The following PCDHA5 variants were observed in gnomAD, a reference collection of about 807,000 sequenced individuals.
PCDHA5 encodes the protein protocadherin alpha 5, also known as protocadherin alpha-5.
PCDHA5 carries 43 observed loss-of-function variants against 61.6 expected under a neutral mutation model. That is an observed-to-expected ratio of 0.70 (90% confidence interval 0.55 to 0.90). The LOEUF is 0.90. Among genes scored for constraint, PCDHA5 ranks in the 40% least tolerant of loss-of-function variants. The pLI, the probability that PCDHA5 is intolerant of heterozygous loss-of-function variation, is 0.00. For missense variants in PCDHA5, 1,298 were observed against 1,222.7 expected, an observed-to-expected ratio of 1.06 and a Z score of -0.92; for synonymous variants, 627 against 543.9, an observed-to-expected ratio of 1.15 and a Z score of -2.13.
rs782160195 is a variant in PCDHA5, at chr5:140,857,078, G to C, written c.2352+32951G>C. 17 of 1,597,076 alleles carry C rather than the reference G, an allele frequency of 1.1e-5. 2 individuals are homozygous for C. The highest frequency in any genetic ancestry group is 1.5e-5 in the Non-Finnish European group (17 of 1,166,812). On this transcript the variant is annotated intron_variant, in intron 1 of 3. Transcript: ENST00000529859. ...CCTAGTGGAACTACTGGATGAAAATGATAATTCACCTGAGGTGATTGTCAC... is the reference window on the plus strand; with the variant it reads ...CCTAGTGGAACTACTGGATGAAAATCATAATTCACCTGAGGTGATTGTCAC...
At chr5:140,869,928 A>G (rs1554163617) in intron 1 of PCDHA5, 1 of 1,611,726 alleles carries the variant, frequency 6.2e-7, no homozygotes, top group Middle Eastern at 1.6e-4. Context: ...GAGTCAATGG[A>G]GAGGTAACAT....
At position 140,834,737 on chromosome 5, in the gene PCDHA5, T is replaced by G. The variant is rs2150225179; in HGVS notation, c.2352+10610T>G. ...TGGAAAGGCCGCTGCAGGTTTTCCATGTGGACGTGGAGGTGAAGGACATTA... is the reference window on the plus strand; with the variant it reads ...TGGAAAGGCCGCTGCAGGTTTTCCAGGTGGACGTGGAGGTGAAGGACATTA... On this transcript the variant is annotated intron_variant, in intron 1 of 3. Coordinates refer to ENST00000529859, the MANE Select transcript of PCDHA5 (RefSeq NM_018908.3). The G allele has an allele frequency of 1.1e-5, 18 of 1,614,112 alleles. No homozygotes were observed. The East Asian group carries it at 4.0e-4, about 36-fold the overall frequency.
intron 1 of PCDHA5, chr5:140,849,159 C>T (rs1554142780): frequency 2.5e-6 from 3 of 1,184,538 alleles, no homozygotes; most frequent in Non-Finnish European, 3.5e-6. Context: ...CAAACCCGAG[C>T]TGACTGGCAC....
intron 3 of PCDHA5, among the ~76,000 whole-genome samples, chr5:141,005,572 C>T (rs548748234): frequency 4.6e-5 from 7 of 151,094 alleles, no homozygotes; most frequent in East Asian, 1.9e-4. Context: ...CATGGTGGCG[C>T]GTGCCTGTAG....
intron 3 of PCDHA5, among the ~76,000 whole-genome samples, chr5:141,005,586 C>T (rs1428172819): frequency 6.6e-6 from 1 of 150,712 alleles, no homozygotes; most frequent in Non-Finnish European, 1.5e-5. Flanking sequence ...CCTGTAGTCC[C>T]AGCTACACAG....
At chr5:140,862,992 C>A (rs781974665) in intron 1 of PCDHA5, 3 of 548,132 alleles carry the variant, frequency 5.5e-6, no homozygotes, top group Admixed American at 1.9e-5. Flanking sequence ...AAGGTGCGCA[C>A]GGTGGACTCC....
chr5:140,959,578 A>G (rs1554224156), intron 1 of PCDHA5, among the ~76,000 whole-genome samples: 1 of 152,188 alleles, frequency 6.6e-6, no homozygotes, highest in Non-Finnish European at 1.5e-5. Flanking sequence ...TTTTGTTTCA[A>G]TTCTATCAGC....
intron 1 of PCDHA5, chr5:140,968,853 A>G (rs782470050): frequency 3.7e-6 from 6 of 1,614,108 alleles, no homozygotes; most frequent in Non-Finnish European, 4.2e-6. Context: ...AGGCATGTTA[A>G]GAGCCCTCGG....
At chr5:140,875,738 G>C (rs1197047985) in intron 1 of PCDHA5, 1 of 1,614,204 alleles carries the variant, frequency 6.2e-7, no homozygotes, top group Non-Finnish European at 8.5e-7. Context: ...GTGAATTCTC[G>C]GATCGACCGC....
intron 1 of PCDHA5, chr5:140,967,972 G>C: frequency 1.2e-6 from 2 of 1,614,190 alleles, no homozygotes; most frequent in Non-Finnish European, 1.7e-6. Flanking sequence ...AAGTGAGCCT[G>C]GGTCTGGAGG....
chr5:140,999,249 G>A (rs1162368060), intron 3 of PCDHA5, among the ~76,000 whole-genome samples: 1 of 152,066 alleles, frequency 6.6e-6, no homozygotes, highest in Non-Finnish European at 1.5e-5. Context: ...AGTGGGAGTT[G>A]GATTAGTAAA....
chr5:140,945,387 T>C (rs1249675973), intron 1 of PCDHA5, among the ~76,000 whole-genome samples: 1 of 152,102 alleles, frequency 6.6e-6, no homozygotes, highest in Non-Finnish European at 1.5e-5. Flanking sequence ...CAAAGCAATA[T>C]ACAAATTCAA....
rs2150422105 is a variant in PCDHA5 at position 140,848,832 on chromosome 5, C to G, written c.2352+24705C>G. On this transcript the variant is annotated intron_variant, in intron 1 of 3. Transcript: ENST00000529859. ...CCACCTGGAGGTGATCGTAGACAGG[C>G]CGCTGCAGGTTTTCCATGTGGACGT... is the stretch of plus-strand genomic sequence containing the variant. 3.8e-6 allele frequency: 6 copies of G among 1,590,118 alleles called. 1 individual carries two copies. Among genetic ancestry groups the G allele is most frequent in the Non-Finnish European group, 5.2e-6 (6 of 1,161,950 alleles).
chr5:140,822,341 AC>A lies in PCDHA5; in HGVS notation c.567del (p.Leu191Ter), dbSNP rs2150115661. On this transcript the variant is annotated frameshift_variant, in exon 1 of 4. Transcript: ENST00000529859. LOFTEE classifies it high-confidence loss of function. Reference sequence around the variant, plus strand: ...GTTAAAACAAATGAAGAAGAAACGAACTTTTTAGAGCTGGTTTTGAGGAAAT... The same window carrying A: ...GTTAAAACAAATGAAGAAGAAACGAATTTTTAGAGCTGGTTTTGAGGAAAT... ...LDVKTNEEET[N>X]FLELVLRKSL... 5 of 1,614,128 alleles carry A rather than the reference AC, an allele frequency of 3.1e-6. No individual in the cohort carries two copies. The highest frequency in any genetic ancestry group is 4.2e-6 in the Non-Finnish European group (5 of 1,180,004).
chr5:140,997,133 C>G (rs1554255761), intron 3 of PCDHA5, among the ~76,000 whole-genome samples: 1 of 152,092 alleles, frequency 6.6e-6, no homozygotes, highest in Non-Finnish European at 1.5e-5. Flanking sequence ...ACAATGCCCC[C>G]ACACCCCCGC....
chr5:140,941,228 T>TTTCTTTCTTTCTTTCTTTC (rs2092920819), intron 1 of PCDHA5, among the ~76,000 whole-genome samples: 1 of 139,066 alleles, frequency 7.2e-6, no homozygotes, highest in Admixed American at 7.4e-5. Flanking sequence ...TCTTTCTTTC[T>TTTCTTTCTTTCTTTCTTTC]TTCTTTCTTT....
intron 1 of PCDHA5, among the ~76,000 whole-genome samples, chr5:140,938,097 A>AT (rs775272450): frequency 6.6e-6 from 1 of 151,930 alleles, no homozygotes; most frequent in Non-Finnish European, 1.5e-5. Flanking sequence ...TTATTATTGT[A>AT]TTTTTTACTT....
chr5:140,870,825 C>A (rs1554164734), intron 1 of PCDHA5: 6 of 1,613,726 alleles, frequency 3.7e-6, no homozygotes, highest in East Asian at 2.2e-5. Flanking sequence ...GCGCGGGAGG[C>A]GCAGTTAACA....
chr5:140,968,080 G>A (rs782815703), intron 1 of PCDHA5: 14 of 1,614,102 alleles, frequency 8.7e-6, no homozygotes, highest in Middle Eastern at 1.7e-4. Context: ...ACAACATCAC[G>A]GTGACAGCCA....
Sources: gnomAD v4.1 joint callset for allele counts (sites outside exome capture counted in the v4.1 genomes callset) on GRCh38, gnomAD v4.1.1 for gene constraint, MANE v1.5 for transcripts, NCBI Gene and HGNC (gene_info 2026-07-23, HGNC 2026-07-21) for gene names.